EHBP1: variants seen among roughly 807,000 people sequenced by gnomAD.
EHBP1 encodes the protein EH domain-binding protein 1.
In EHBP1, 55 loss-of-function variants were observed where a neutral mutation model predicts 144.0. The ratio of observed to expected loss-of-function variants is 0.38; its 90% CI spans 0.31 to 0.48. The LOEUF (loss-of-function observed/expected upper bound fraction) is 0.48. Among genes scored for constraint, EHBP1 ranks in the 20% least tolerant of loss-of-function variants. EHBP1 has a pLI of 0.98. For missense variants in EHBP1, 1,200 were observed against 1,364.2 expected, an observed-to-expected ratio of 0.88 and a Z score of 1.90; for synonymous variants, 469 against 472.7, an observed-to-expected ratio of 0.99 and a Z score of 0.10.
chr2:62,772,739 C>T (rs372279943), intron 5 of EHBP1, among the ~76,000 whole-genome samples: 37 of 152,314 alleles, frequency 2.4e-4, no homozygotes, highest in African/African-American at 8.9e-4. Flanking sequence ...GACTGTTCAT[C>T]GTGATAATTG....
intron 12 of EHBP1, among the ~76,000 whole-genome samples, chr2:62,946,868 C>T (rs1367675948): frequency 6.6e-6 from 1 of 152,096 alleles, no homozygotes; most frequent in Non-Finnish European, 1.5e-5. Flanking sequence ...AAGCAAAACA[C>T]CAGCAGGAGT....
intron 14 of EHBP1, chr2:62,955,959 T>C (rs1173012438): frequency 2.8e-5 from 6 of 214,146 alleles, no homozygotes; most frequent in Non-Finnish European, 5.5e-5. Context: ...TACTCTAAGA[T>C]TGTATTTTGT....
chr2:62,821,175 T>C (rs949833656), intron 5 of EHBP1, among the ~76,000 whole-genome samples: 1 of 152,076 alleles, frequency 6.6e-6, no homozygotes, highest in African/African-American at 2.4e-5. Context: ...CCTTTACCTC[T>C]AGTCCTCTTG....
At chr2:62,760,000 G>A (rs868554848) in intron 3 of EHBP1, among the ~76,000 whole-genome samples, 2 of 151,896 alleles carry the variant, frequency 1.3e-5, no homozygotes, top group South Asian at 2.1e-4. Flanking sequence ...AGGTATATAC[G>A]GGGGATTGGT....
intron 10 of EHBP1, among the ~76,000 whole-genome samples, chr2:62,894,443 A>G (rs1421910791): frequency 6.6e-6 from 1 of 152,110 alleles, no homozygotes; most frequent in African/African-American, 2.4e-5. Context: ...GTGGGGCAGC[A>G]GAGATGACAA....
rs1382753196 is a variant in EHBP1 at position 63,045,616 on chromosome 2, T to C, written c.*116T>C. On this transcript the variant is annotated 3_prime_UTR_variant, in exon 23 of 23. Coordinates refer to ENST00000431489, the MANE Select transcript of EHBP1 (RefSeq NM_001142616.3). The surrounding 1 kb of genome is among the most constrained non-coding windows in gnomAD (Gnocchi z 5.7). Reference sequence around the variant, plus strand: ...AACATTTTGTTTGGCTGGATTGTACTACTTTACCTCTACTTTACCACCACC... The same window carrying C: ...AACATTTTGTTTGGCTGGATTGTACCACTTTACCTCTACTTTACCACCACC... 1.3e-6 allele frequency: 1 copy of C among 796,798 alleles called. No individual in the cohort carries two copies. Among genetic ancestry groups the C allele is most frequent in the East Asian group, 2.7e-5 (1 of 36,866 alleles). 49.4% of individuals were successfully genotyped at this position (796,798 alleles called of 1,614,324 possible).
chr2:63,030,044 T>C (rs780945166), intron 19 of EHBP1, among the ~76,000 whole-genome samples: 7 of 152,172 alleles, frequency 4.6e-5, no homozygotes, highest in Non-Finnish European at 1.0e-4. Context: ...AGAAGCCATA[T>C]TGGGTGTGGA....
chr2:63,034,244 T>C (rs935923170), intron 19 of EHBP1, among the ~76,000 whole-genome samples: 1 of 152,202 alleles, frequency 6.6e-6, no homozygotes, highest in South Asian at 2.1e-4. Context: ...AAATATAGTG[T>C]AACAACTCAG....
At chr2:63,041,723 G>A (rs907452412) in intron 21 of EHBP1, among the ~76,000 whole-genome samples, 2 of 152,116 alleles carry the variant, frequency 1.3e-5, no homozygotes, top group African/African-American at 4.8e-5. Flanking sequence ...TGATGATGAT[G>A]CAAACTCTTT....
chr2:62,783,502 A>G (rs779096147), intron 5 of EHBP1, among the ~76,000 whole-genome samples: 1 of 152,212 alleles, frequency 6.6e-6, no homozygotes, highest in African/African-American at 2.4e-5. Context: ...ACATCCTCTG[A>G]AATCTAGGTG....
At chr2:62,676,995 T>G (rs142030521) in intron 1 of EHBP1, among the ~76,000 whole-genome samples, 14 of 152,216 alleles carry the variant, frequency 9.2e-5, no homozygotes, top group Non-Finnish European at 2.1e-4. Flanking sequence ...AAACCTTGTC[T>G]CTACAAAAAA....
chr2:62,742,868 A>C (rs1457235809), intron 2 of EHBP1, among the ~76,000 whole-genome samples: 1 of 152,044 alleles, frequency 6.6e-6, no homozygotes, highest in African/African-American at 2.4e-5. Context: ...TCCAAACTTA[A>C]AAGTGCTGAT....
At chr2:62,823,774 C>G (rs1039804863) in intron 5 of EHBP1, among the ~76,000 whole-genome samples, 1 of 151,976 alleles carries the variant, frequency 6.6e-6, no homozygotes, top group Non-Finnish European at 1.5e-5. Flanking sequence ...ACTAGGAACA[C>G]CATTCAAATT....
At chr2:62,945,359 A>T (rs947612704) in intron 12 of EHBP1, among the ~76,000 whole-genome samples, 4 of 152,196 alleles carry the variant, frequency 2.6e-5, no homozygotes, top group Non-Finnish European at 5.9e-5. Flanking sequence ...GGTTCATGAG[A>T]CAAAGTGGTT....
At chr2:62,756,630 G>A (rs2152274950) in intron 3 of EHBP1, among the ~76,000 whole-genome samples, 1 of 152,234 alleles carries the variant, frequency 6.6e-6, no homozygotes, top group Non-Finnish European at 1.5e-5. Flanking sequence ...TGAGCTGGAA[G>A]TGGTGGCACA....
At chr2:62,834,790 A>G (rs1029439172) in intron 7 of EHBP1, among the ~76,000 whole-genome samples, 12 of 152,290 alleles carry the variant, frequency 7.9e-5, no homozygotes, top group African/African-American at 2.9e-4. Flanking sequence ...AAAATACAGC[A>G]TTCACAGTGT....
At chr2:62,834,776 A>G (rs998355501) in intron 7 of EHBP1, among the ~76,000 whole-genome samples, 5 of 152,216 alleles carry the variant, frequency 3.3e-5, no homozygotes. Context: ...AGCCAAACAC[A>G]TGGAAAATAC....
At chr2:62,784,141 T>C (rs1185468868) in intron 5 of EHBP1, among the ~76,000 whole-genome samples, 1 of 152,198 alleles carries the variant, frequency 6.6e-6, no homozygotes, top group Non-Finnish European at 1.5e-5. Flanking sequence ...GAAATGGATA[T>C]AAAACTACTA....
intron 7 of EHBP1, among the ~76,000 whole-genome samples, chr2:62,832,453 T>C (rs2046890710): frequency 6.6e-6 from 1 of 150,492 alleles, no homozygotes; most frequent in Non-Finnish European, 1.5e-5. Context: ...TTTTTTTTTT[T>C]TTTTACAAAT....
Sources: allele counts gnomAD v4.1 joint callset (sites outside exome capture counted in the v4.1 genomes callset), GRCh38; gene constraint gnomAD v4.1.1; non-coding constraint Gnocchi (gnomAD v3.1); transcripts MANE v1.5; gene names NCBI Gene and HGNC (gene_info 2026-07-23, HGNC 2026-07-21).